Variants in NUB1 observed in about 807,000 individuals in gnomAD.
NUB1 encodes NEDD8 ultimate buster 1.
In NUB1, 41 loss-of-function variants were observed where a neutral mutation model predicts 77.1. That is an observed-to-expected ratio of 0.53 (90% CI 0.41 to 0.69). The LOEUF is 0.69. Ranked by LOEUF, NUB1 falls within the 30% of genes least tolerant of loss-of-function variation. The pLI is 0.00. For missense variants in NUB1, 643 were observed against 743.8 expected (o/e 0.86, Z 1.58); for synonymous variants, 257 against 281.0 (o/e 0.91, Z 0.85).
rs1796215129 is a variant in NUB1, at chr7:151,341,814, T to G, written c.-35T>G. The G allele has an allele frequency of 6.6e-7, 1 of 1,507,486 alleles. No homozygotes were observed. Among genetic ancestry groups the G allele is most frequent in the Non-Finnish European group, 8.8e-7 (1 of 1,137,306 alleles). 93.4% of individuals were successfully genotyped at this position (1,507,486 alleles called of 1,614,324 possible). On this transcript the variant is annotated 5_prime_UTR_variant, in exon 1 of 15. Coordinates refer to ENST00000568733, the MANE Select transcript of NUB1 (RefSeq NM_001243351.2). ...GGCGGCCGCTGCCGCATCCGGGCACTCTGCTGGTCGCGGCGGGAGTGGCGT... is the reference window on the plus strand; with the variant it reads ...GGCGGCCGCTGCCGCATCCGGGCACGCTGCTGGTCGCGGCGGGAGTGGCGT...
chr7:151,356,362 A>C, intron 7 of NUB1, 140 bp downstream of exon 7: 1 of 684,522 alleles, frequency 1.5e-6, no homozygotes, highest in Non-Finnish European at 2.6e-6. Context: ...AGAAAATGTC[A>C]CCACGTGGTG....
At chr7:151,354,911 A>T (rs1397530381) in intron 5 of NUB1, among the ~76,000 whole-genome samples, 1 of 152,134 alleles carries the variant, frequency 6.6e-6, no homozygotes, top group African/African-American at 2.4e-5. Context: ...ATGCCAGGCT[A>T]ATGTTTTATT....
chr7:151,344,929 G>A (rs1457479836), intron 1 of NUB1, among the ~76,000 whole-genome samples: 1 of 151,970 alleles, frequency 6.6e-6, no homozygotes, highest in Non-Finnish European at 1.5e-5. Flanking sequence ...GAACCCAGGG[G>A]GCGGAGCTTG....
chr7:151,371,718 T>C (rs1381439857), intron 11 of NUB1, among the ~76,000 whole-genome samples: 3 of 152,194 alleles, frequency 2.0e-5, no homozygotes, highest in Admixed American at 2.0e-4. Flanking sequence ...GGTATGAGCA[T>C]CTGACTGAGC....
intron 8 of NUB1, among the ~76,000 whole-genome samples, chr7:151,364,346 G>A (rs1194309046): frequency 2.0e-5 from 3 of 148,656 alleles, no homozygotes; most frequent in Non-Finnish European, 3.0e-5. Flanking sequence ...GCAGGAACCC[G>A]GGAGGCGAAG....
At chr7:151,356,025 G>A in intron 6 of NUB1, 75 bp downstream of exon 6, 2 of 1,559,900 alleles carry the variant, frequency 1.3e-6, no homozygotes, top group South Asian at 2.2e-5. Flanking sequence ...GGGGGATCAT[G>A]GCTCTCACTG....
At chr7:151,358,605 C>T (rs1337561651) in intron 7 of NUB1, among the ~76,000 whole-genome samples, 1 of 152,210 alleles carries the variant, frequency 6.6e-6, no homozygotes, top group Non-Finnish European at 1.5e-5. Flanking sequence ...AGAATGTTTT[C>T]ACCCTGAAAC....
At chr7:151,370,454 A>G (rs983517737) in intron 11 of NUB1, among the ~76,000 whole-genome samples, 1 of 152,202 alleles carries the variant, frequency 6.6e-6, no homozygotes, top group African/African-American at 2.4e-5. Context: ...AAAAATGAAC[A>G]TTGCTGATAC....
At chr7:151,354,816 C>T (rs1796986641) in intron 5 of NUB1, among the ~76,000 whole-genome samples, 1 of 152,194 alleles carries the variant, frequency 6.6e-6, no homozygotes, top group Non-Finnish European at 1.5e-5. Context: ...GATTGCAGCT[C>T]ACTGCAGCCT....
At chr7:151,344,180 CAAAAAAAAAAAAAAAA>C (rs561127147) in intron 1 of NUB1, among the ~76,000 whole-genome samples, 11,498 of 45,800 alleles carry the variant, frequency 0.25, 1,260 homozygotes, top group East Asian at 0.62. Context: ...GACTCCCTCT[CAAAAAAAAAAAAAAAA>C]AAAAAAAAAA....
At chr7:151,353,115 A>G (rs1403833068) in intron 5 of NUB1, among the ~76,000 whole-genome samples, 2 of 152,228 alleles carry the variant, frequency 1.3e-5, no homozygotes, top group South Asian at 2.1e-4. Context: ...AGCTTAGATA[A>G]AATGTTAGAG....
intron 7 of NUB1, 75 bp downstream of exon 7, chr7:151,356,297 T>C: frequency 9.9e-7 from 1 of 1,012,790 alleles, no homozygotes; most frequent in South Asian, 1.4e-5. Flanking sequence ...AGTTGCTTTA[T>C]GTTGGAAGTG....
At chr7:151,359,070 AAAAAT>A (rs913681594) in intron 7 of NUB1, among the ~76,000 whole-genome samples, 36 of 151,152 alleles carry the variant, frequency 2.4e-4, no homozygotes, top group Non-Finnish European at 4.1e-4. Flanking sequence ...GTCTCAAAAA[AAAAAT>A]AAAATAAAAA....
chr7:151,367,506 C>T (rs780606514), intron 9 of NUB1, among the ~76,000 whole-genome samples: 47 of 152,236 alleles, frequency 3.1e-4, no homozygotes, highest in Admixed American at 6.5e-4. Context: ...AGCTGTGGCT[C>T]GAGTAAGGAT....
In NUB1 at chr7:151,375,787, G is replaced by A. The variant is rs865995191; in HGVS notation, c.1396-61G>A. 4.0e-5 allele frequency: 45 copies of A among 1,117,078 alleles called. No homozygotes were observed. The Middle Eastern group carries it at 1.4e-3, about 34-fold the overall frequency. The allele number at this position is 1,117,078 out of a possible 1,614,324, so 69.2% of individuals were successfully genotyped here. The stretch of plus-strand genomic sequence containing the variant: ...TGCCTAGCACATGGCAGGGTGCAGC[G>A]CCTGTCTGAATGTGTGAAGAGTTCT... On this transcript the variant is annotated intron_variant, in intron 12 of 14. Transcript: ENST00000568733.
chr7:151,342,720 CG>C lies in NUB1; in HGVS notation c.-3+876del, dbSNP rs1423661222. Among the ~76,000 whole-genome samples, 3 of 152,262 alleles carry C rather than the reference CG, an allele frequency of 2.0e-5. No homozygotes were observed. The East Asian group carries it at 5.8e-4, about 29-fold the overall frequency. On this transcript the variant is annotated intron_variant, in intron 1 of 14. Coordinates refer to ENST00000568733, the MANE Select transcript of NUB1 (RefSeq NM_001243351.2). ...TTTTTTTTTAACATTAAATCTTATT[CG>C]GTGTAACCCTGGAGCTCTTGTTTGC...
chr7:151,349,027 T>C (rs1235375391), intron 2 of NUB1, 46 bp from the exon 3 acceptor site: 4 of 720,528 alleles, frequency 5.6e-6, no homozygotes, highest in South Asian at 2.9e-5. Context: ...ATATTTTGCC[T>C]TTTTTTTTTT....
rs986552362 is a variant in NUB1, at chr7:151,342,064, T to C, written c.-3+218T>C. On this transcript the variant is annotated intron_variant, in intron 1 of 14. Transcript: ENST00000568733. ...GCTGGCCGTTCGGGGCCCTTTGGTT[T>C]GCCCTGAGTTAGGCAGAGGTGTGGG... The C allele has an allele frequency of 1.9e-5, 15 of 783,054 alleles. No homozygotes were observed. The African/African-American group carries it at 2.4e-4, about 13-fold the overall frequency. 48.5% of individuals were successfully genotyped at this position (783,054 alleles called of 1,614,324 possible).
chr7:151,346,137 A>G (rs1796498769), intron 2 of NUB1, among the ~76,000 whole-genome samples: 1 of 152,200 alleles, frequency 6.6e-6, no homozygotes, highest in African/African-American at 2.4e-5. Context: ...AAGGATTGTC[A>G]TGAGGCATTA....
Sources: gnomAD v4.1 joint callset for allele counts (sites outside exome capture counted in the v4.1 genomes callset) on GRCh38, gnomAD v4.1.1 for gene constraint, MANE v1.5 for transcripts, NCBI Gene and HGNC (gene_info 2026-07-23, HGNC 2026-07-21) for gene names.